The following OLA1 variants were observed in gnomAD, a reference collection of about 807,000 sequenced individuals.
OLA1 encodes Obg like ATPase 1, also known as obg-like ATPase 1.
OLA1 carries 14 observed loss-of-function variants against 48.4 expected under a neutral mutation model. The observed-to-expected ratio is 0.29, with a 90% CI of 0.19 to 0.45. OLA1 has a LOEUF of 0.45. Ranked by LOEUF, OLA1 falls within the 20% of genes least tolerant of loss-of-function variation. OLA1 has a pLI of 1.00. For missense variants in OLA1, 325 were observed against 467.1 expected (o/e 0.70, Z 2.80); for synonymous variants, 127 against 150.4 (o/e 0.84, Z 1.14).
At chr2:174,145,117 A>ATG (rs1686563709) in intron 4 of OLA1, among the ~76,000 whole-genome samples, 1 of 151,196 alleles carries the variant, frequency 6.6e-6, no homozygotes, top group African/African-American at 2.4e-5. Flanking sequence ...GAGAATGCAT[A>ATG]TGATTAAATC....
chr2:174,101,407 A>G (rs895673584), intron 7 of OLA1, among the ~76,000 whole-genome samples: 1 of 152,218 alleles, frequency 6.6e-6, no homozygotes, highest in Non-Finnish European at 1.5e-5. Flanking sequence ...TACATTCTGA[A>G]AACAAGTCCT....
At chr2:174,099,401 G>A (rs568407053) in intron 7 of OLA1, among the ~76,000 whole-genome samples, 123 of 152,220 alleles carry the variant, frequency 8.1e-4, no homozygotes, top group African/African-American at 2.5e-3. Context: ...TGATCCGCCC[G>A]CCTTGGCCTC....
intron 7 of OLA1, among the ~76,000 whole-genome samples, chr2:174,105,829 T>G (rs1417942094): frequency 2.0e-5 from 3 of 152,006 alleles, no homozygotes; most frequent in Non-Finnish European, 4.4e-5. Flanking sequence ...TATAATATTC[T>G]TGAAGCAAAA....
At chr2:174,168,871 A>G (rs1397934979) in intron 4 of OLA1, among the ~76,000 whole-genome samples, 2 of 151,778 alleles carry the variant, frequency 1.3e-5, no homozygotes, top group South Asian at 2.1e-4. Context: ...AAATCAACAG[A>G]AACTAATCTG....
intron 7 of OLA1, among the ~76,000 whole-genome samples, chr2:174,098,435 A>G (rs1003520397): frequency 1.3e-5 from 2 of 152,342 alleles, no homozygotes; most frequent in Admixed American, 1.3e-4. Flanking sequence ...GTAGAATCAT[A>G]CCCACCAAAA....
intron 4 of OLA1, among the ~76,000 whole-genome samples, chr2:174,151,462 G>A (rs1412275378): frequency 6.6e-6 from 1 of 152,074 alleles, no homozygotes; most frequent in Admixed American, 6.5e-5. Flanking sequence ...CGCGTTAACA[G>A]TAAATGTTTT....
intron 2 of OLA1, among the ~76,000 whole-genome samples, chr2:174,241,627 A>G (rs1040006066): frequency 6.6e-6 from 1 of 152,024 alleles, no homozygotes; most frequent in Non-Finnish European, 1.5e-5. Flanking sequence ...CTTCTTTCAG[A>G]GTAATCGTTT....
At chr2:174,120,993 CAACT>C (rs1685902666) in intron 7 of OLA1, among the ~76,000 whole-genome samples, 1 of 152,076 alleles carries the variant, frequency 6.6e-6, no homozygotes, top group Admixed American at 6.6e-5. Flanking sequence ...GCTAAAGAAG[CAACT>C]AATAATGCAA....
intron 4 of OLA1, among the ~76,000 whole-genome samples, chr2:174,181,439 A>G (rs1301947128): frequency 1.3e-5 from 2 of 152,178 alleles, no homozygotes; most frequent in African/African-American, 4.8e-5. Context: ...GGGTGATATT[A>G]CTGCATGTTT....
In OLA1 at chr2:174,081,161, C is replaced by A; in HGVS notation, c.957G>T (p.Trp319Cys). The change falls in exon 9 of 11, where the codon TGG (tryptophan) becomes TGT (cysteine). Residue 319 changes from tryptophan (W) to cysteine (C), a missense_variant. Trp to Cys is a radical substitution (Grantham distance 215). Transcript: ENST00000284719. ...FTAGPDEVRA[W>C]TIRKGTKAPQ... ...TAAGTATGAATCTTACCCTGATGGT[C>A]CATGCACGCACTTCATCTGGGCCTG... 6.2e-7 allele frequency: 1 copy of A among 1,611,210 alleles called. No individual in the cohort carries two copies. Among genetic ancestry groups the A allele is most frequent in the Non-Finnish European group, 8.5e-7 (1 of 1,177,838 alleles).
chr2:174,137,246 A>G (rs1431962048), intron 5 of OLA1, among the ~76,000 whole-genome samples: 2 of 152,322 alleles, frequency 1.3e-5, no homozygotes, highest in East Asian at 1.9e-4. Context: ...GTAGGTCTCA[A>G]TGAAAGGAAT....
At chr2:174,130,129 T>C (rs997833151) in intron 5 of OLA1, among the ~76,000 whole-genome samples, 1 of 152,216 alleles carries the variant, frequency 6.6e-6, no homozygotes, top group Non-Finnish European at 1.5e-5. Context: ...CTTTCTCTTA[T>C]AAAATAGACC....
At chr2:174,235,874 A>T (rs1688837957) in intron 2 of OLA1, among the ~76,000 whole-genome samples, 1 of 152,192 alleles carries the variant, frequency 6.6e-6, no homozygotes, top group Non-Finnish European at 1.5e-5. Context: ...CAGGGCTCAC[A>T]TGGAGATTGG....
chr2:174,180,485 T>C (rs559505429), intron 4 of OLA1, among the ~76,000 whole-genome samples: 4 of 152,222 alleles, frequency 2.6e-5, no homozygotes, highest in Non-Finnish European at 5.9e-5. Context: ...ACCACAGTAC[T>C]TGACCTCTGA....
At chr2:174,170,475 T>C (rs1051673770) in intron 4 of OLA1, among the ~76,000 whole-genome samples, 2 of 151,800 alleles carry the variant, frequency 1.3e-5, no homozygotes, top group African/African-American at 2.4e-5. Context: ...AAAACACAAA[T>C]AAAAAGATAC....
intron 4 of OLA1, among the ~76,000 whole-genome samples, chr2:174,191,844 G>A (rs1371219821): frequency 6.6e-6 from 1 of 152,138 alleles, no homozygotes; most frequent in Non-Finnish European, 1.5e-5. Flanking sequence ...TCATGCACAT[G>A]TTTATGGCTG....
intron 5 of OLA1, among the ~76,000 whole-genome samples, chr2:174,140,004 TAA>T (rs1686406929): frequency 1.3e-5 from 2 of 152,050 alleles, no homozygotes. Flanking sequence ...ATATTTAACC[TAA>T]GTCTTTCACG....
intron 2 of OLA1, among the ~76,000 whole-genome samples, chr2:174,236,126 C>T (rs1688842285): frequency 6.6e-6 from 1 of 151,804 alleles, no homozygotes; most frequent in African/African-American, 2.4e-5. Flanking sequence ...AACATAAAAT[C>T]CACAGTGTAT....
At chr2:174,212,763 G>A (rs767106812) in intron 4 of OLA1, among the ~76,000 whole-genome samples, 1 of 151,970 alleles carries the variant, frequency 6.6e-6, no homozygotes, top group Non-Finnish European at 1.5e-5. Context: ...AGCTTACACA[G>A]GGTGAGGATC....
Sources: gnomAD v4.1 joint callset for allele counts (sites outside exome capture counted in the v4.1 genomes callset) on GRCh38, gnomAD v4.1.1 for gene constraint, MANE v1.5 for transcripts, NCBI Gene and HGNC (gene_info 2026-07-23, HGNC 2026-07-21) for gene names.